Variants in CCBE1 observed in about 807,000 individuals in gnomAD.
CCBE1 encodes the protein collagen and calcium binding EGF domains 1, also known as collagen and calcium-binding EGF domain-containing protein 1.
A neutral mutation model predicts 50.0 loss-of-function variants in CCBE1; 37 were observed. The observed-to-expected ratio is 0.74, with a 90% CI of 0.57 to 0.97. The LOEUF is 0.97. Ranked by LOEUF, CCBE1 falls within the 50% of genes least tolerant of loss-of-function variation. CCBE1 has a pLI of 0.00. For missense variants in CCBE1, 538 were observed against 523.8 expected (o/e 1.03, Z -0.26); for synonymous variants, 234 against 203.7 (o/e 1.15, Z -1.27).
chr18:59,535,157 AAT>A (rs1915199506), intron 2 of CCBE1, among the ~76,000 whole-genome samples: 1 of 152,294 alleles, frequency 6.6e-6, no homozygotes, highest in East Asian at 1.9e-4. Flanking sequence ...CTTCAGCAGT[AAT>A]GAGATTGACA....
chr18:59,687,495 T>TAAC, intron 2 of CCBE1, among the ~76,000 whole-genome samples: 1 of 152,228 alleles, frequency 6.6e-6, no homozygotes, highest in Non-Finnish European at 1.5e-5. Context: ...TTTCCCTTCC[T>TAAC]TTGCCAAAAT....
chr18:59,673,280 G>A (rs2054458538), intron 2 of CCBE1, among the ~76,000 whole-genome samples: 1 of 152,112 alleles, frequency 6.6e-6, no homozygotes. Context: ...GCATAACCCT[G>A]TCTCTACTAA....
At chr18:59,532,225 T>G (rs991200184) in intron 2 of CCBE1, among the ~76,000 whole-genome samples, 1 of 152,158 alleles carries the variant, frequency 6.6e-6, no homozygotes, top group African/African-American at 2.4e-5. Context: ...TTTTGTATTT[T>G]TAGTAGAGAT....
chr18:59,627,080 C>T (rs940034204), intron 2 of CCBE1, among the ~76,000 whole-genome samples: 27 of 152,192 alleles, frequency 1.8e-4, no homozygotes, highest in African/African-American at 5.3e-4. Flanking sequence ...GAATACTCTT[C>T]ATTTCATAAA....
intron 2 of CCBE1, among the ~76,000 whole-genome samples, chr18:59,614,094 C>G (rs1161754655): frequency 2.0e-5 from 3 of 152,102 alleles, no homozygotes; most frequent in Non-Finnish European, 4.4e-5. Context: ...CAACCTCTGC[C>G]TCGAAGGTTC....
chr18:59,530,550 C>T (rs112760453), intron 2 of CCBE1, among the ~76,000 whole-genome samples: 1 of 152,130 alleles, frequency 6.6e-6, no homozygotes, highest in Non-Finnish European at 1.5e-5. Context: ...ATGCCATTAT[C>T]TCTCAGAAAC....
intron 2 of CCBE1, among the ~76,000 whole-genome samples, chr18:59,667,996 G>A (rs2054378768): frequency 6.6e-6 from 1 of 152,122 alleles, no homozygotes; most frequent in East Asian, 1.9e-4. Flanking sequence ...AGCTAGGGGA[G>A]GGATAGTATT....
chr18:59,516,662 C>T (rs147545024), intron 2 of CCBE1, among the ~76,000 whole-genome samples: 19 of 152,298 alleles, frequency 1.2e-4, no homozygotes, highest in African/African-American at 3.4e-4. Context: ...CTCATTACCA[C>T]GGACCTTCCT....
chr18:59,697,277 C>A lies in CCBE1; in HGVS notation c.66G>T (p.Pro22=), dbSNP rs998579544. The change falls in exon 1 of 11, where the codon CCG becomes CCT. Residue 22 remains proline, a synonymous_variant. Transcript: ENST00000439986. The part of the protein sequence containing the change: ...ARGQLGRSLG[P]LLLLLALGHT... ...GTCCCAACGCCAGGAGCAGCAGCAG[C>A]GGACCCAGGCTCCTGCCCAGCTGGC... 4 of 1,549,186 alleles carry A rather than the reference C, an allele frequency of 2.6e-6. No individual in the cohort carries two copies. Among genetic ancestry groups the A allele is most frequent in the Non-Finnish European group, 3.5e-6 (4 of 1,146,746 alleles).
At chr18:59,497,809 G>C (rs1913425291) in intron 2 of CCBE1, among the ~76,000 whole-genome samples, 1 of 152,136 alleles carries the variant, frequency 6.6e-6, no homozygotes, top group African/African-American at 2.4e-5. Flanking sequence ...TGTACCATGA[G>C]GCAACGCTCC....
intron 2 of CCBE1, among the ~76,000 whole-genome samples, chr18:59,671,528 A>T (rs2054431088): frequency 6.6e-6 from 1 of 151,616 alleles, no homozygotes; most frequent in African/African-American, 2.4e-5. Context: ...TAAGAAAAAG[A>T]AGTAACTGAC....
intron 2 of CCBE1, among the ~76,000 whole-genome samples, chr18:59,553,026 TA>T (rs1365042281): frequency 6.6e-6 from 1 of 152,116 alleles, no homozygotes; most frequent in Non-Finnish European, 1.5e-5. Flanking sequence ...TTTTATGGTG[TA>T]AGAGGAGGAG....
At position 59,530,642 on chromosome 18, in the gene CCBE1, C is replaced by A. The variant is rs373808536; in HGVS notation, c.213-50404G>T. On this transcript the variant is annotated intron_variant, in intron 2 of 10. Coordinates refer to ENST00000439986, the MANE Select transcript of CCBE1 (RefSeq NM_133459.4). The stretch of plus-strand genomic sequence containing the variant: ...CCAACTGTTCTGAAAAAGGCACAAG[C>A]ATTCACATGTGACTATGTAAAGATG... 2.6e-5 allele frequency among the ~76,000 whole-genome samples: 4 copies of A among 152,298 alleles called. No homozygotes were observed. In the East Asian group the frequency reaches 5.8e-4, roughly 22 times the overall value.
chr18:59,621,744 C>T (rs2053712990), intron 2 of CCBE1, among the ~76,000 whole-genome samples: 1 of 152,338 alleles, frequency 6.6e-6, no homozygotes, highest in South Asian at 2.1e-4. Context: ...ATGGCCAGAG[C>T]CCTCGATGAA....
At chr18:59,554,776 G>A (rs1019405721) in intron 2 of CCBE1, among the ~76,000 whole-genome samples, 1 of 152,174 alleles carries the variant, frequency 6.6e-6, no homozygotes, top group Admixed American at 6.5e-5. Context: ...AGTCCAGCAG[G>A]GGTTACCAGC....
At chr18:59,659,191 T>C (rs1466658517) in intron 2 of CCBE1, among the ~76,000 whole-genome samples, 1 of 152,156 alleles carries the variant, frequency 6.6e-6, no homozygotes. Flanking sequence ...ATGTAAGTAC[T>C]GAGGATTATG....
intron 2 of CCBE1, among the ~76,000 whole-genome samples, chr18:59,632,767 A>ATTGT (rs1555700736): frequency 2.4e-5 from 2 of 82,598 alleles, no homozygotes; most frequent in Non-Finnish European, 4.3e-5. Flanking sequence ...TTTTTATTTT[A>ATTGT]TTTGTTTTAT....
At chr18:59,691,819 GGAAACAAGC>G (rs898620831) in intron 2 of CCBE1, among the ~76,000 whole-genome samples, 25 of 152,242 alleles carry the variant, frequency 1.6e-4, no homozygotes, top group African/African-American at 5.8e-4. Context: ...CACAGGACAG[GGAAACAAGC>G]AGAGGAGAGA....
At chr18:59,581,479 C>T (rs2144510427) in intron 2 of CCBE1, among the ~76,000 whole-genome samples, 1 of 151,360 alleles carries the variant, frequency 6.6e-6, no homozygotes, top group East Asian at 1.9e-4. Context: ...TATTGGATAC[C>T]AGGAATAGGA....
Sources: allele counts gnomAD v4.1 joint callset (sites outside exome capture counted in the v4.1 genomes callset), GRCh38; gene constraint gnomAD v4.1.1; transcripts MANE v1.5; gene names NCBI Gene and HGNC (gene_info 2026-07-23, HGNC 2026-07-21).